The following SEMA3C variants were observed in gnomAD, a reference collection of about 807,000 sequenced individuals.
SEMA3C encodes semaphorin-3C.
In SEMA3C, 47 loss-of-function variants were observed where a neutral mutation model predicts 89.4. The observed-to-expected ratio is 0.53, with a 90% CI of 0.42 to 0.67. The LOEUF is 0.67. SEMA3C is among the 30% of genes least tolerant of loss of function. The pLI is 0.00. For synonymous variants in SEMA3C, 310 were observed against 320.2 expected (o/e 0.97, Z 0.34); for missense variants, 839 against 929.1 (o/e 0.90, Z 1.26).
intron 2 of SEMA3C, among the ~76,000 whole-genome samples, chr7:80,888,575 T>C (rs147924201): frequency 6.6e-6 from 1 of 152,282 alleles, no homozygotes; most frequent in East Asian, 1.9e-4. Flanking sequence ...GAGACATACA[T>C]AAAATATCTA....
At chr7:80,745,412 AG>A in intron 17 of SEMA3C, 105 bp from the exon 18 acceptor site, 1 of 1,135,892 alleles carries the variant, frequency 8.8e-7, no homozygotes, top group Non-Finnish European at 1.3e-6. Context: ...TTGGGAAAAA[AG>A]TATTGAGCAC....
intron 2 of SEMA3C, among the ~76,000 whole-genome samples, chr7:80,893,147 G>A (rs1791655300): frequency 1.3e-5 from 2 of 151,984 alleles, no homozygotes; most frequent in African/African-American, 4.8e-5. Flanking sequence ...TATTTATATT[G>A]CTTTCCTTAT....
At chr7:80,804,276 T>C in intron 7 of SEMA3C, 28 bp from the exon 8 acceptor site, 1 of 1,475,262 alleles carries the variant, frequency 6.8e-7, no homozygotes, top group Non-Finnish European at 9.1e-7. Context: ...AGACTAGGTA[T>C]ATATTCATTA....
intron 11 of SEMA3C, among the ~76,000 whole-genome samples, chr7:80,793,946 G>T (rs1046167607): frequency 6.6e-6 from 1 of 151,704 alleles, no homozygotes; most frequent in Non-Finnish European, 1.5e-5. Context: ...TCTAGTACTG[G>T]TCTATGAAAT....
At chr7:80,853,258 A>G (rs1790559317) in intron 2 of SEMA3C, among the ~76,000 whole-genome samples, 1 of 152,132 alleles carries the variant, frequency 6.6e-6, no homozygotes, top group Non-Finnish European at 1.5e-5. Context: ...CAGCAATCCC[A>G]TTGCTGGGTA....
At chr7:80,752,126 A>G (rs1787949640) in intron 15 of SEMA3C, among the ~76,000 whole-genome samples, 1 of 152,222 alleles carries the variant, frequency 6.6e-6, no homozygotes. Flanking sequence ...TTCAACGACA[A>G]TATTTCAACA....
chr7:80,919,410 G>A (rs4385413), upstream of SEMA3C: 87,880 of 980,012 alleles, frequency 0.09, 7,232 homozygotes, highest in African/African-American at 0.37. Context: ...GGCGGCTCTC[G>A]AAGACTTACA....
At chr7:80,812,751 C>T (rs527542486) in intron 5 of SEMA3C, among the ~76,000 whole-genome samples, 43 of 151,914 alleles carry the variant, frequency 2.8e-4, no homozygotes, top group Non-Finnish European at 5.1e-4. Context: ...AGGCTTTTCT[C>T]TTTTTGACTT....
At chr7:80,764,544 C>T (rs1244192786) in intron 13 of SEMA3C, among the ~76,000 whole-genome samples, 2 of 151,352 alleles carry the variant, frequency 1.3e-5, no homozygotes, top group African/African-American at 4.9e-5. Context: ...TCTTACAGTA[C>T]TGAACTTCCC....
intron 4 of SEMA3C, among the ~76,000 whole-genome samples, chr7:80,821,825 TTAA>T (rs1789755677): frequency 6.6e-6 from 1 of 152,102 alleles, no homozygotes. Context: ...AGTTCTAGTT[TTAA>T]TAAGTAACTA....
chr7:80,797,929 C>T (rs909633854), intron 11 of SEMA3C, among the ~76,000 whole-genome samples, 163 bp downstream of exon 11: 8 of 151,894 alleles, frequency 5.3e-5, no homozygotes, highest in Non-Finnish European at 1.0e-4. Flanking sequence ...ACCCGGGAGG[C>T]GGAGGGTGAG....
chr7:80,892,084 T>A (rs183571344), intron 2 of SEMA3C, among the ~76,000 whole-genome samples: 28 of 152,228 alleles, frequency 1.8e-4, no homozygotes, highest in East Asian at 7.7e-4. Flanking sequence ...AATAGGCTAG[T>A]TCATTCAGAG....
chr7:80,916,823 T>A lies in SEMA3C; in HGVS notation c.-38-4A>T, dbSNP rs961724784. 6.2e-7 allele frequency: 1 copy of A among 1,608,934 alleles called. No individual in the cohort carries two copies. The highest frequency in any genetic ancestry group is 1.7e-5 in the Admixed American group (1 of 59,450). On this transcript the variant is annotated splice_region_variant and splice_polypyrimidine_tract_variant and intron_variant, in intron 1 of 17. Transcript: ENST00000265361. ...GTTAATATCCAAGGGAAAATACCTT[T>A]AAGAGAGAGACAACATGTTTGTTAT...
intron 5 of SEMA3C, among the ~76,000 whole-genome samples, chr7:80,811,004 C>G: frequency 6.6e-6 from 1 of 152,116 alleles, no homozygotes; most frequent in Non-Finnish European, 1.5e-5. Flanking sequence ...TATTATAAAT[C>G]TCAACTAGAT....
At chr7:80,749,652 T>C (rs1787880785) in intron 16 of SEMA3C, among the ~76,000 whole-genome samples, 2 of 152,220 alleles carry the variant, frequency 1.3e-5, no homozygotes, top group South Asian at 2.1e-4. Flanking sequence ...GCTTTAGTTT[T>C]ACTCTTCTCT....
At position 80,815,212 on chromosome 7, in the gene SEMA3C, T is replaced by C. The variant is rs17154494; in HGVS notation, c.447+3087A>G. 3.6e-3 allele frequency among the ~76,000 whole-genome samples: 554 copies of C among 152,238 alleles called. 3 individuals carry two copies. The highest frequency in any genetic ancestry group is 0.012 in the African/African-American group (504 of 41,544). On this transcript the variant is annotated intron_variant, in intron 5 of 17. Coordinates refer to ENST00000265361, the MANE Select transcript of SEMA3C (RefSeq NM_006379.5). ...AAAGTAGGCATAGCAAAGTGTCCTA[T>C]GGTCACAGACGTCAATAAAGGCAAT...
chr7:80,753,278 G>A (rs79922969), intron 15 of SEMA3C, among the ~76,000 whole-genome samples: 1 of 152,250 alleles, frequency 6.6e-6, no homozygotes, highest in African/African-American at 2.4e-5. Context: ...AGTTTTTACT[G>A]CATAACATTT....
At chr7:80,746,852 T>C (rs548622150) in intron 17 of SEMA3C, among the ~76,000 whole-genome samples, 1 of 152,070 alleles carries the variant, frequency 6.6e-6, no homozygotes, top group East Asian at 1.9e-4. Flanking sequence ...TCCATAAGTA[T>C]TAGTATTATT....
intron 2 of SEMA3C, among the ~76,000 whole-genome samples, chr7:80,854,988 TG>T (rs571790338): frequency 6.6e-6 from 1 of 152,318 alleles, no homozygotes; most frequent in South Asian, 2.1e-4. Context: ...ATTTAAAGCA[TG>T]CATGCTCTTT....
Sources: gnomAD v4.1 joint callset for allele counts (sites outside exome capture counted in the v4.1 genomes callset) on GRCh38, gnomAD v4.1.1 for gene constraint, MANE v1.5 for transcripts, NCBI Gene and HGNC (gene_info 2026-07-23, HGNC 2026-07-21) for gene names.